The following RNF185 variants were observed in gnomAD, a reference collection of about 807,000 sequenced individuals.
RNF185 encodes E3 ubiquitin-protein ligase RNF185.
A neutral mutation model predicts 24.9 loss-of-function variants in RNF185; 13 were observed. That is an observed-to-expected ratio of 0.52 (90% CI 0.34 to 0.83). The LOEUF (loss-of-function observed/expected upper bound fraction) is 0.83. RNF185 is among the 40% of genes least tolerant of loss of function. The pLI, the probability that RNF185 is intolerant of heterozygous loss-of-function variation, is 0.01. For synonymous variants in RNF185, 79 were observed against 90.3 expected (o/e 0.88, Z 0.71); for missense variants, 184 against 244.7 (o/e 0.75, Z 1.65).
intron 1 of RNF185, among the ~76,000 whole-genome samples, chr22:31,161,374 T>G (rs1171990782): frequency 6.6e-6 from 1 of 152,220 alleles, no homozygotes; most frequent in South Asian, 2.1e-4. Flanking sequence ...CAAATGTGAC[T>G]TTTTTCTTCT....
intron 1 of RNF185, among the ~76,000 whole-genome samples, chr22:31,180,283 C>T (rs1484706566): frequency 6.6e-6 from 1 of 151,944 alleles, no homozygotes; most frequent in Admixed American, 6.6e-5. Context: ...GCCAACATGG[C>T]GAAACCCTGT....
chr22:31,187,936 T>C (rs754519522), intron 2 of RNF185, among the ~76,000 whole-genome samples: 1 of 150,960 alleles, frequency 6.6e-6, no homozygotes, highest in Non-Finnish European at 1.5e-5. Flanking sequence ...TGTGTGTGTG[T>C]GTTTTTTTTT....
intron 1 of RNF185, among the ~76,000 whole-genome samples, chr22:31,172,289 ACCAG>A (rs1266053090): frequency 6.6e-6 from 1 of 152,022 alleles, no homozygotes; most frequent in Non-Finnish European, 1.5e-5. Flanking sequence ...GGAGTTCGAG[ACCAG>A]CCTGACCAAC....
At chr22:31,175,684 G>A (rs1407362438) in intron 1 of RNF185, among the ~76,000 whole-genome samples, 3 of 152,038 alleles carry the variant, frequency 2.0e-5, no homozygotes, top group East Asian at 1.9e-4. Context: ...TAGAAAACAG[G>A]GCTGTTGGGT....
intron 1 of RNF185, among the ~76,000 whole-genome samples, chr22:31,162,677 G>A (rs1923651717): frequency 1.3e-5 from 2 of 150,134 alleles, no homozygotes; most frequent in African/African-American, 4.9e-5. Flanking sequence ...GTGGGGATCT[G>A]CATACTATAT....
chr22:31,192,613 T>C, intron 2 of RNF185, 71 bp from the exon 3 acceptor site: 1 of 1,395,466 alleles, frequency 7.2e-7, no homozygotes, highest in Non-Finnish European at 1.0e-6. Context: ...TTTCTGCTAA[T>C]GAAAACATTT....
chr22:31,192,542 C>T, intron 2 of RNF185, 142 bp from the exon 3 acceptor site: 1 of 711,642 alleles, frequency 1.4e-6, no homozygotes, highest in Non-Finnish European at 2.6e-6. Flanking sequence ...AATGGGCATG[C>T]AGTGCTCCAT....
At chr22:31,183,096 G>T (rs181905560) in intron 1 of RNF185, 25 of 151,772 alleles carry the variant, frequency 1.6e-4, no homozygotes, top group African/African-American at 5.8e-4. Context: ...GCTAATTTTT[G>T]TGTTTTTAGT....
intron 2 of RNF185, among the ~76,000 whole-genome samples, chr22:31,189,428 A>G (rs2048134406): frequency 6.7e-6 from 1 of 149,424 alleles, no homozygotes; most frequent in Non-Finnish European, 1.5e-5. Context: ...AGTAGCTGGG[A>G]CTGCAGGAAT....
At chr22:31,171,038 A>T (rs1032534522) in intron 1 of RNF185, among the ~76,000 whole-genome samples, 1 of 151,958 alleles carries the variant, frequency 6.6e-6, no homozygotes, top group Non-Finnish European at 1.5e-5. Context: ...TTTTTTCTTA[A>T]CACTATCATC....
At position 31,206,812 on chromosome 22, in the gene RNF185, C is replaced by T. The variant is rs547436539; in HGVS notation, c.*2226C>T. Reference sequence around the variant, plus strand: ...TCGGCAAGCTCACCACCTCATCCTTCTGCCAAGGCAGCTTTCCTTTCTTTT... The same window carrying T: ...TCGGCAAGCTCACCACCTCATCCTTTTGCCAAGGCAGCTTTCCTTTCTTTT... On this transcript the variant is annotated 3_prime_UTR_variant, in exon 7 of 7. Transcript: ENST00000326132. 3.3e-5 allele frequency: 5 copies of T among 152,390 alleles called. No individual in the cohort carries two copies. The highest frequency in any genetic ancestry group is 3.3e-4 in the Admixed American group (5 of 15,306). The allele number at this position is 152,390 out of a possible 1,614,324, so 9.4% of individuals were successfully genotyped here. A position where few individuals can be genotyped will look rare whatever the true frequency, so the allele number is the denominator to read the frequency against.
intron 1 of RNF185, among the ~76,000 whole-genome samples, chr22:31,160,584 GC>G (rs1338893650): frequency 1.3e-5 from 2 of 152,158 alleles, no homozygotes; most frequent in Non-Finnish European, 2.9e-5. Context: ...TATCCCCCGT[GC>G]GAGACCGCCT....
intron 1 of RNF185, among the ~76,000 whole-genome samples, chr22:31,180,558 T>C (rs1823043688): frequency 6.6e-6 from 1 of 150,566 alleles, no homozygotes; most frequent in Admixed American, 6.6e-5. Flanking sequence ...AGAGTCTCGC[T>C]CTAATTGCCC....
rs1339208073 is a variant in RNF185, at chr22:31,167,670, G to GT, written c.-49+7368dup. Among the ~76,000 whole-genome samples, 3 of 135,996 alleles carry GT rather than the reference G, an allele frequency of 2.2e-5. No individual in the cohort carries two copies. The Admixed American group carries it at 2.5e-4, about 11-fold the overall frequency. The allele number at this position is 135,996 out of a possible 152,430, so 89.2% of individuals were successfully genotyped here. A position where few individuals can be genotyped will look rare whatever the true frequency, so the allele number is the denominator to read the frequency against. The stretch of plus-strand genomic sequence containing the variant: ...TCCGTTGTCACCCAGGCTGAGTGCA[G>GT]TGGTGTCATCTCAGCTCACTTCAAC... On this transcript the variant is annotated intron_variant, in intron 1 of 6. Transcript: ENST00000326132.
chr22:31,199,975 TTTA>T (rs1372671478), intron 5 of RNF185, among the ~76,000 whole-genome samples: 1 of 152,192 alleles, frequency 6.6e-6, no homozygotes. Context: ...CTGTCTGCTT[TTTA>T]TTATTTTTAA....
At chr22:31,181,097 T>C (rs944870488) in intron 1 of RNF185, among the ~76,000 whole-genome samples, 6 of 152,116 alleles carry the variant, frequency 3.9e-5, no homozygotes, top group Non-Finnish European at 8.8e-5. Context: ...CTAGGCATGG[T>C]GGCTCACTGG....
rs914588399 is a variant in RNF185, at chr22:31,193,132, A to G, written c.195+430A>G. ...AAAAGTCTATTTTCCTAGCTTTAGC[A>G]CCTACTTGGTGAGACAGAGCTGGGC... On this transcript the variant is annotated intron_variant, in intron 3 of 6. Coordinates refer to ENST00000326132, the MANE Select transcript of RNF185 (RefSeq NM_152267.4). Among the ~76,000 whole-genome samples the G allele has an allele frequency of 2.0e-5, 3 of 152,212 alleles. No individual in the cohort carries two copies. The East Asian group carries it at 5.8e-4, about 29-fold the overall frequency.
At chr22:31,194,442 G>C (rs117447125) in intron 3 of RNF185, among the ~76,000 whole-genome samples, 8,328 of 152,078 alleles carry the variant, frequency 0.055, 376 homozygotes, top group Admixed American at 0.11. Context: ...ATAAAAATGA[G>C]AAATTGGCCG....
chr22:31,203,599 T>C (rs1226394573), intron 6 of RNF185, among the ~76,000 whole-genome samples: 1 of 152,242 alleles, frequency 6.6e-6, no homozygotes, highest in Non-Finnish European at 1.5e-5. Flanking sequence ...CTTGCTTTCA[T>C]TATTTCCTGC....
Sources: gnomAD v4.1 joint callset for allele counts (sites outside exome capture counted in the v4.1 genomes callset) on GRCh38, gnomAD v4.1.1 for gene constraint, MANE v1.5 for transcripts, NCBI Gene and HGNC (gene_info 2026-07-23, HGNC 2026-07-21) for gene names.